The following PCDH15 variants were observed in gnomAD, a reference collection of about 807,000 sequenced individuals.
PCDH15 encodes protocadherin-15.
PCDH15 carries 129 observed loss-of-function variants against 178.5 expected under a neutral mutation model. The observed-to-expected ratio is 0.72, with a 90% CI of 0.63 to 0.84. The LOEUF is 0.84. PCDH15 is among the 40% of genes least tolerant of loss of function. The pLI is 0.00. For missense variants in PCDH15, 2,230 were observed against 2,099.9 expected, an observed-to-expected ratio of 1.06 and a Z score of -1.21; for synonymous variants, 800 against 732.0, an observed-to-expected ratio of 1.09 and a Z score of -1.50.
chr10:54,272,584 T>G (rs904226662), intron 8 of PCDH15, among the ~76,000 whole-genome samples: 2 of 152,100 alleles, frequency 1.3e-5, no homozygotes, highest in African/African-American at 4.8e-5. Context: ...ATGCTACAGA[T>G]AGTGGAATAC....
At chr10:54,910,202 T>A (rs1270229870) in intron 2 of PCDH15, among the ~76,000 whole-genome samples, 1 of 152,092 alleles carries the variant, frequency 6.6e-6, no homozygotes, top group Non-Finnish European at 1.5e-5. Context: ...GCTGGCTGGA[T>A]GGCAGCACCT....
chr10:54,740,194 A>C (rs1485275548), intron 1 of PCDH15, among the ~76,000 whole-genome samples: 1 of 152,080 alleles, frequency 6.6e-6, no homozygotes, highest in Non-Finnish European at 1.5e-5. Flanking sequence ...ATGGTAAAAA[A>C]CAAATAATCA....
chr10:53,940,253 AAGATTGAGCTATGACCTTATTCCC>A (rs1331648618), intron 24 of PCDH15, among the ~76,000 whole-genome samples: 5 of 152,172 alleles, frequency 3.3e-5, no homozygotes, highest in Non-Finnish European at 7.4e-5. Flanking sequence ...ATTAATGCGA[AAGATTGAGCTATGACCTTATTCCC>A]AGAGGCCTGC....
intron 3 of PCDH15, among the ~76,000 whole-genome samples, chr10:54,449,563 G>A (rs2136271631): frequency 6.6e-6 from 1 of 151,830 alleles, no homozygotes. Flanking sequence ...TCACTAATCA[G>A]GATATGCCTA....
intron 2 of PCDH15, among the ~76,000 whole-genome samples, chr10:54,923,021 C>CTGTTATTTTTTTTTACCTTT (rs1564632804): frequency 9.0e-5 from 8 of 88,786 alleles, no homozygotes; most frequent in South Asian, 3.2e-4. Context: ...AGACTTCTGC[C>CTGTTATTTTTTTTTACCTTT]TAGACACTCA....
At chr10:54,401,276 A>G (rs1423138298) in intron 3 of PCDH15, among the ~76,000 whole-genome samples, 1 of 152,024 alleles carries the variant, frequency 6.6e-6, no homozygotes, top group Non-Finnish European at 1.5e-5. Flanking sequence ...GATGACTTCA[A>G]TATCACCTAC....
chr10:54,750,358 C>T (rs1377264532), intron 1 of PCDH15, among the ~76,000 whole-genome samples: 4 of 152,048 alleles, frequency 2.6e-5, no homozygotes, highest in African/African-American at 7.2e-5. Flanking sequence ...TTAACTCCCA[C>T]AGCTATAGTC....
At chr10:55,037,895 C>G (rs1048060563) in intron 2 of PCDH15, among the ~76,000 whole-genome samples, 1 of 152,096 alleles carries the variant, frequency 6.6e-6, no homozygotes, top group African/African-American at 2.4e-5. Flanking sequence ...TGTTGATATT[C>G]TGTGATACCT....
chr10:55,321,221 T>A (rs1409926520), upstream of PCDH15, among the ~76,000 whole-genome samples: 2 of 152,114 alleles, frequency 1.3e-5, no homozygotes, highest in Non-Finnish European at 2.9e-5. Flanking sequence ...AAGTATTAAC[T>A]ACATAATGAA....
chr10:55,519,701 T>C (rs949355579), intron 2 of PCDH15, among the ~76,000 whole-genome samples: 14 of 151,692 alleles, frequency 9.2e-5, no homozygotes, highest in African/African-American at 2.4e-4. Flanking sequence ...AAATGTATGA[T>C]AGATTTTCTC....
intron 2 of PCDH15, among the ~76,000 whole-genome samples, chr10:55,490,353 T>C (rs557217229): frequency 1.5e-3 from 228 of 151,814 alleles, no homozygotes; most frequent in African/African-American, 5.0e-3. Flanking sequence ...CACACAGCCA[T>C]GAGTCTATGG....
intron 2 of PCDH15, among the ~76,000 whole-genome samples, chr10:54,584,664 C>G (rs1010963067): frequency 1.2e-4 from 18 of 151,816 alleles, no homozygotes; most frequent in African/African-American, 4.4e-4. Flanking sequence ...TTCTTGTTTC[C>G]TATGATATCC....
chr10:55,530,049 A>T (rs985664804), intron 2 of PCDH15, among the ~76,000 whole-genome samples: 1 of 151,696 alleles, frequency 6.6e-6, no homozygotes, highest in Non-Finnish European at 1.5e-5. Context: ...TATTAAAATG[A>T]GCATTGTCTC....
chr10:54,746,487 A>T (rs1945478035), intron 1 of PCDH15, among the ~76,000 whole-genome samples: 1 of 152,182 alleles, frequency 6.6e-6, no homozygotes, highest in Non-Finnish European at 1.5e-5. Flanking sequence ...TTGTAACAGA[A>T]AGAAAGGATA....
chr10:55,608,868 T>C (rs759634289), intron 2 of PCDH15, among the ~76,000 whole-genome samples: 6 of 152,054 alleles, frequency 3.9e-5, no homozygotes, highest in African/African-American at 9.7e-5. Flanking sequence ...AGTTCTTTGA[T>C]ATGTTCTGAG....
chr10:55,021,177 C>A (rs1179596871), intron 2 of PCDH15, among the ~76,000 whole-genome samples: 2 of 152,144 alleles, frequency 1.3e-5, no homozygotes, highest in African/African-American at 2.4e-5. Context: ...TTTCAACATT[C>A]TTTATATCTA....
At chr10:53,947,615 T>C (rs1413891840) in intron 23 of PCDH15, among the ~76,000 whole-genome samples, 1 of 150,962 alleles carries the variant, frequency 6.6e-6, no homozygotes, top group Non-Finnish European at 1.5e-5. Flanking sequence ...TGCATCAGAG[T>C]GATCTAATTT....
At chr10:54,720,640 C>A (rs11004492) in intron 1 of PCDH15, among the ~76,000 whole-genome samples, 18,497 of 151,962 alleles carry the variant, frequency 0.12, 1,251 homozygotes, top group African/African-American at 0.17. Flanking sequence ...TTACAAGAAA[C>A]TTTCAGTACA....
intron 21 of PCDH15, among the ~76,000 whole-genome samples, chr10:53,962,874 G>A (rs913076756): frequency 1.3e-5 from 2 of 152,170 alleles, no homozygotes; most frequent in Non-Finnish European, 2.9e-5. Flanking sequence ...ACATTGAGGT[G>A]AGCACTGTAA....
Sources: gnomAD v4.1 joint callset for allele counts (sites outside exome capture counted in the v4.1 genomes callset) on GRCh38, gnomAD v4.1.1 for gene constraint, MANE v1.5 for transcripts, NCBI Gene and HGNC (gene_info 2026-07-23, HGNC 2026-07-21) for gene names.